CYSTM1: variants seen among roughly 807,000 people sequenced by gnomAD.
CYSTM1 encodes cysteine rich transmembrane module containing 1.
Under a neutral mutation model 13.1 loss-of-function variants are expected in CYSTM1, and 4 were observed. That is an observed-to-expected ratio of 0.31 (90% CI 0.15 to 0.70). CYSTM1 has a LOEUF of 0.70. Ranked by LOEUF, CYSTM1 falls within the 30% of genes least tolerant of loss-of-function variation. The pLI is 0.72. For synonymous variants in CYSTM1, 36 were observed against 42.7 expected (o/e 0.84, Z 0.62); for missense variants, 96 against 121.6 (o/e 0.79, Z 0.99).
intron 2 of CYSTM1, among the ~76,000 whole-genome samples, chr5:140,240,219 A>T (rs535761747): frequency 6.6e-6 from 1 of 151,876 alleles, no homozygotes; most frequent in East Asian, 1.9e-4. Context: ...CCGTCTTTTT[A>T]AAAAGGTTTA....
At chr5:140,206,267 G>A (rs1227035410) in intron 2 of CYSTM1, among the ~76,000 whole-genome samples, 1 of 135,330 alleles carries the variant, frequency 7.4e-6, no homozygotes, top group Non-Finnish European at 1.5e-5. Context: ...CGCCCCCACT[G>A]GCACTCTCTG....
chr5:140,227,927 G>A (rs1764579164), intron 2 of CYSTM1, among the ~76,000 whole-genome samples: 1 of 152,198 alleles, frequency 6.6e-6, no homozygotes, highest in Non-Finnish European at 1.5e-5. Flanking sequence ...AAATGTGTGT[G>A]TGTGTATTTG....
Position 140,191,423 on chromosome 5 carries a change from G to A in CYSTM1, c.-20-3023G>A, listed in dbSNP as rs1764094542. ...TTGGAGAAAGATACATACCAAAAAT[G>A]AGAGGGAAACATGATGAGGGGTAAG... On this transcript the variant is annotated intron_variant, in intron 1 of 2. Coordinates refer to ENST00000261811, the MANE Select transcript of CYSTM1 (RefSeq NM_032412.4). Among the ~76,000 whole-genome samples the A allele has an allele frequency of 2.0e-5, 3 of 152,292 alleles. No homozygotes were observed. In the South Asian group the frequency reaches 6.2e-4, roughly 32 times the overall value.
chr5:140,180,337 G>A (rs1291690383), intron 1 of CYSTM1, among the ~76,000 whole-genome samples: 3 of 152,114 alleles, frequency 2.0e-5, no homozygotes, highest in East Asian at 3.9e-4. Context: ...ACATTTGTTG[G>A]CCAGGTCAAG....
intron 2 of CYSTM1, among the ~76,000 whole-genome samples, chr5:140,225,390 G>C (rs1251540077): frequency 6.6e-6 from 1 of 152,186 alleles, no homozygotes; most frequent in Non-Finnish European, 1.5e-5. Context: ...GAGGGAGTTG[G>C]GGAAGGGGTT....
intron 2 of CYSTM1, among the ~76,000 whole-genome samples, chr5:140,220,497 T>A (rs1764476830): frequency 6.6e-6 from 1 of 152,138 alleles, no homozygotes; most frequent in South Asian, 2.1e-4. Context: ...CCAATTGTGT[T>A]TATAATTGGT....
chr5:140,222,754 C>G (rs1010246720), intron 2 of CYSTM1, among the ~76,000 whole-genome samples: 2 of 152,200 alleles, frequency 1.3e-5, no homozygotes, highest in African/African-American at 4.8e-5. Flanking sequence ...GTGTCTCAGG[C>G]CCTGTAGGGG....
chr5:140,220,203 A>T (rs750573791), intron 2 of CYSTM1, among the ~76,000 whole-genome samples: 12 of 152,148 alleles, frequency 7.9e-5, no homozygotes, highest in Non-Finnish European at 1.5e-4. Flanking sequence ...CAGGGTATGA[A>T]ATAACAGTTC....
At chr5:140,218,339 C>T (rs1475536849) in intron 2 of CYSTM1, among the ~76,000 whole-genome samples, 1 of 152,154 alleles carries the variant, frequency 6.6e-6, no homozygotes, top group Non-Finnish European at 1.5e-5. Context: ...GCCCATGTTG[C>T]TTCCAGGTGT....
intron 2 of CYSTM1, among the ~76,000 whole-genome samples, chr5:140,235,694 C>T (rs1171407364): frequency 3.9e-5 from 6 of 152,152 alleles, no homozygotes; most frequent in African/African-American, 1.2e-4. Context: ...CGTGAGCCAC[C>T]GCACCCAGCC....
At chr5:140,229,776 C>T (rs1386355540) in intron 2 of CYSTM1, among the ~76,000 whole-genome samples, 1 of 152,144 alleles carries the variant, frequency 6.6e-6, no homozygotes, top group African/African-American at 2.4e-5. Context: ...TGGCTCACTG[C>T]AACCTCCGCC....
At chr5:140,198,532 T>G (rs553894460) in intron 2 of CYSTM1, among the ~76,000 whole-genome samples, 25 of 152,342 alleles carry the variant, frequency 1.6e-4, no homozygotes, top group African/African-American at 5.8e-4. Flanking sequence ...GACAACTAGC[T>G]TCCAATAGAG....
intron 2 of CYSTM1, among the ~76,000 whole-genome samples, chr5:140,224,129 G>C (rs906452385): frequency 1.3e-5 from 2 of 152,112 alleles, no homozygotes; most frequent in Non-Finnish European, 2.9e-5. Context: ...ATGCCTCAGA[G>C]TTTATTTTTT....
chr5:140,225,618 G>A (rs960813186), intron 2 of CYSTM1, among the ~76,000 whole-genome samples: 6 of 152,212 alleles, frequency 3.9e-5, no homozygotes, highest in African/African-American at 7.2e-5. Flanking sequence ...AGATGTGACC[G>A]GTTTCCCTGA....
intron 2 of CYSTM1, 128 bp downstream of exon 2, chr5:140,194,780 T>A: frequency 1.7e-6 from 2 of 1,193,390 alleles, no homozygotes; most frequent in East Asian, 2.6e-5. Flanking sequence ...CAAAGCTTGA[T>A]GATGGCTTAG....
Position 140,212,983 on chromosome 5 carries a change from G to GTGTA in CYSTM1, c.187+18332_187+18333insGTAT, listed in dbSNP as rs1405430820. On this transcript the variant is annotated intron_variant, in intron 2 of 2. Transcript: ENST00000261811. ...ACTCTGTCTCAAAAACAAAACAAAAGTATATATATATATATATATATATAT... is the reference window on the plus strand; with the variant it reads ...ACTCTGTCTCAAAAACAAAACAAAAGTGTATATATATATATATATATATATATAT... 5.1e-4 allele frequency among the ~76,000 whole-genome samples: 58 copies of GTGTA among 114,298 alleles called. 4 individuals carry two copies. Among genetic ancestry groups the GTGTA allele is most frequent in the South Asian group, 2.6e-3 (7 of 2,740 alleles). 75.0% of individuals were successfully genotyped at this position (114,298 alleles called of 152,430 possible).
intron 1 of CYSTM1, among the ~76,000 whole-genome samples, chr5:140,177,078 A>AAAAAAC (rs1554131558): frequency 7.4e-6 from 1 of 135,544 alleles, no homozygotes; most frequent in Non-Finnish European, 1.6e-5. Flanking sequence ...CAAAAAAAAA[A>AAAAAAC]AAAAAAAAAT....
In CYSTM1 at chr5:140,243,322, C is replaced by G. The variant is rs1764774905; in HGVS notation, c.205C>G (p.Gln69Glu). 6.2e-7 allele frequency: 1 copy of G among 1,613,902 alleles called. No homozygotes were observed. The highest frequency in any genetic ancestry group is 1.3e-5 in the African/African-American group (1 of 74,896). The change falls in exon 3 of 3, where the codon CAA (glutamine) becomes GAA (glutamate). Residue 69 changes from glutamine (Q) to glutamate (E), a missense_variant. By Grantham distance (29) the Gln-to-Glu change is conservative. Coordinates refer to ENST00000261811, the MANE Select transcript of CYSTM1 (RefSeq NM_032412.4). The stretch of plus-strand genomic sequence containing the variant: ...CCCTCCAGTGTATGTGGTAGAAGAC[C>G]AAAGAAGAGATGAGCTAGGACCATC... ...PKTTVYVVED[Q>E]RRDELGPSTC...
At chr5:140,215,883 G>A (rs1456038437) in intron 2 of CYSTM1, among the ~76,000 whole-genome samples, 1 of 152,194 alleles carries the variant, frequency 6.6e-6, no homozygotes. Flanking sequence ...ACTCACACCT[G>A]TAATCCCAAC....
Sources: gnomAD v4.1 joint callset for allele counts (sites outside exome capture counted in the v4.1 genomes callset) on GRCh38, gnomAD v4.1.1 for gene constraint, MANE v1.5 for transcripts, NCBI Gene and HGNC (gene_info 2026-07-23, HGNC 2026-07-21) for gene names.